The following ADAM18 variants were observed in gnomAD, a reference collection of about 807,000 sequenced individuals.
The protein encoded by ADAM18 is disintegrin and metalloproteinase domain-containing protein 18.
A neutral mutation model predicts 94.4 loss-of-function variants in ADAM18; 117 were observed. That is an observed-to-expected ratio of 1.24 (90% CI 1.07 to 1.45). ADAM18 has a LOEUF of 1.45. Ranked by LOEUF, ADAM18 falls within the 40% of genes most tolerant of loss-of-function variation. The probability of loss-of-function intolerance (pLI) is 0.00; values close to 1 mark genes in which losing one functional copy is unlikely to be tolerated. For synonymous variants in ADAM18, 327 were observed against 291.6 expected, an observed-to-expected ratio of 1.12 and a Z score of -1.24; for missense variants, 936 against 880.0, an observed-to-expected ratio of 1.06 and a Z score of -0.81.
intron 14 of ADAM18, among the ~76,000 whole-genome samples, chr8:39,673,098 A>G (rs958984902): frequency 2.6e-5 from 4 of 152,208 alleles, no homozygotes; most frequent in African/African-American, 7.2e-5. Flanking sequence ...GATCTAAAGG[A>G]TGCAGGGGTG....
intron 19 of ADAM18, among the ~76,000 whole-genome samples, chr8:39,729,110 C>G (rs1027864839): frequency 6.6e-6 from 1 of 152,086 alleles, no homozygotes. Context: ...TTGCATTTCC[C>G]TAATGATTAG....
At chr8:39,616,166 G>A (rs1200762353) in intron 6 of ADAM18, among the ~76,000 whole-genome samples, 1 of 152,138 alleles carries the variant, frequency 6.6e-6, no homozygotes, top group African/African-American at 2.4e-5. Context: ...CACTTTGGGA[G>A]GCTGAGGCAG....
chr8:39,634,044 A>C (rs1820006616), intron 7 of ADAM18, among the ~76,000 whole-genome samples: 3 of 152,134 alleles, frequency 2.0e-5, no homozygotes, highest in Non-Finnish European at 2.9e-5. Flanking sequence ...ATTTGTAAGC[A>C]AGACAGGTTA....
intron 19 of ADAM18, among the ~76,000 whole-genome samples, chr8:39,728,056 G>A (rs1204401034): frequency 2.6e-5 from 4 of 152,082 alleles, no homozygotes; most frequent in Non-Finnish European, 5.9e-5. Flanking sequence ...CAAGAGAAAA[G>A]CAGGAGCAAG....
intron 6 of ADAM18, among the ~76,000 whole-genome samples, chr8:39,614,553 C>T (rs768728803): frequency 6.6e-5 from 10 of 152,092 alleles, no homozygotes; most frequent in Non-Finnish European, 1.2e-4. Flanking sequence ...AGAGAAACTA[C>T]ACAATCAAAT....
At chr8:39,637,473 T>C in intron 8 of ADAM18, 64 bp from the exon 9 acceptor site, 2 of 1,446,640 alleles carry the variant, frequency 1.4e-6, no homozygotes, top group Non-Finnish European at 9.4e-7. Context: ...TGTTTATTTT[T>C]TAATGTACCT....
chr8:39,637,328 T>C lies in ADAM18; in HGVS notation c.653T>C (p.Val218Ala), dbSNP rs1820107335. The C allele has an allele frequency of 6.2e-7, 1 of 1,604,126 alleles. No homozygotes were observed. The highest frequency in any genetic ancestry group is 1.3e-5 in the African/African-American group (1 of 74,500). ...AAAATTGTCCAGGTTATTGGGCTTGTCAACACTGTAAGTTTTTACTTTTTC... is the reference window on the plus strand; with the variant it reads ...AAAATTGTCCAGGTTATTGGGCTTGCCAACACTGTAAGTTTTTACTTTTTC... ...TQKIVQVIGL[V>A]NTMFTQFKLT... The change falls in exon 8 of 20, where the codon GTC (valine) becomes GCC (alanine). Residue 218 changes from valine (V) to alanine (A), a missense_variant. Transcript: ENST00000265707.
rs373301511 is a variant in ADAM18 at position 39,706,816 on chromosome 8, A to G, written c.1929A>G (p.Gln643=). 2.7e-5 allele frequency: 43 copies of G among 1,607,848 alleles called. No homozygotes were observed. Among genetic ancestry groups the G allele is most frequent in the African/African-American group, 9.4e-5 (7 of 74,730 alleles). The change falls in exon 18 of 20, where the codon CAA becomes CAG. Residue 643 remains glutamine, a synonymous_variant. Transcript: ENST00000265707. ...TATGTAATAATTTTGGTAATTGTCA[A>G]TGCTTCCCTGGACATAGACCTCCAG... ...KGICNNFGNC[Q]CFPGHRPPDC... is the part of the protein sequence containing the mutation.
intron 2 of ADAM18, among the ~76,000 whole-genome samples, chr8:39,594,847 T>G (rs1818692219): frequency 6.6e-6 from 1 of 150,968 alleles, no homozygotes; most frequent in South Asian, 2.1e-4. Context: ...TCTCAATAGT[T>G]TCTAGCTTCT....
intron 17 of ADAM18, among the ~76,000 whole-genome samples, chr8:39,701,318 T>C (rs1034096691): frequency 6.6e-6 from 1 of 151,626 alleles, no homozygotes; most frequent in African/African-American, 2.4e-5. Context: ...TTTGCTGATA[T>C]ATGTATTGTT....
intron 15 of ADAM18, 47 bp from the exon 16 acceptor site, chr8:39,679,990 T>C: frequency 4.4e-6 from 7 of 1,585,364 alleles, no homozygotes; most frequent in Non-Finnish European, 6.0e-6. Flanking sequence ...GAACTTGTTA[T>C]CATTAAGAGA....
At chr8:39,614,882 G>C (rs1183774944) in intron 6 of ADAM18, among the ~76,000 whole-genome samples, 1 of 151,982 alleles carries the variant, frequency 6.6e-6, no homozygotes, top group Admixed American at 6.6e-5. Context: ...AGTGATAAAG[G>C]GTTCATATCA....
chr8:39,644,858 A>G (rs1470129921), intron 10 of ADAM18, among the ~76,000 whole-genome samples: 11 of 152,180 alleles, frequency 7.2e-5, no homozygotes, highest in Non-Finnish European at 1.6e-4. Flanking sequence ...CATGTGTAAC[A>G]ATCTATTTTT....
chr8:39,655,664 A>G (rs1053572318), intron 12 of ADAM18, among the ~76,000 whole-genome samples: 2 of 152,126 alleles, frequency 1.3e-5, no homozygotes, highest in African/African-American at 4.8e-5. Context: ...AACAAAAAGA[A>G]AATGCATAAT....
At chr8:39,640,973 T>C (rs1271274582) in intron 10 of ADAM18, among the ~76,000 whole-genome samples, 1 of 152,144 alleles carries the variant, frequency 6.6e-6, no homozygotes, top group Non-Finnish European at 1.5e-5. Flanking sequence ...GTAGGTTGTC[T>C]GTTTACTCTG....
At chr8:39,588,117 T>C (rs1321661503) in intron 2 of ADAM18, among the ~76,000 whole-genome samples, 1 of 152,168 alleles carries the variant, frequency 6.6e-6, no homozygotes, top group Non-Finnish European at 1.5e-5. Flanking sequence ...TCCATACTGG[T>C]TTTCATAATG....
intron 4 of ADAM18, 143 bp downstream of exon 4, chr8:39,609,263 A>G: frequency 1.4e-6 from 1 of 724,710 alleles, no homozygotes. Context: ...CATGTGATAG[A>G]GATGAAACCC....
intron 6 of ADAM18, among the ~76,000 whole-genome samples, chr8:39,612,047 T>C (rs1161282323): frequency 6.6e-6 from 1 of 151,462 alleles, no homozygotes; most frequent in Non-Finnish European, 1.5e-5. Flanking sequence ...AATATGGTAA[T>C]ACCAACTTCT....
Position 39,712,039 on chromosome 8 carries a change from C to A in ADAM18, c.2017+5135C>A, listed in dbSNP as rs544693833. Among the ~76,000 whole-genome samples, 249 of 143,038 alleles carry A rather than the reference C, an allele frequency of 1.7e-3. 1 individual carries two copies. Among genetic ancestry groups the A allele is most frequent in the Middle Eastern group, 3.6e-3 (1 of 274 alleles). 93.8% of individuals were successfully genotyped at this position (143,038 alleles called of 152,430 possible). On this transcript the variant is annotated intron_variant, in intron 18 of 19. Coordinates refer to ENST00000265707, the MANE Select transcript of ADAM18 (RefSeq NM_014237.3). ...CAACTAAAATCAGAGAAGGCCCCCC[C>A]CCGAGAAAAAAACAGTGAAAGATAA...
Sources: allele counts gnomAD v4.1 joint callset (sites outside exome capture counted in the v4.1 genomes callset), GRCh38; gene constraint gnomAD v4.1.1; transcripts MANE v1.5; gene names NCBI Gene and HGNC (gene_info 2026-07-23, HGNC 2026-07-21).